Variants in RAD18 observed in about 807,000 individuals in gnomAD.
The protein encoded by RAD18 is RAD18 E3 ubiquitin protein ligase, also known as E3 ubiquitin-protein ligase RAD18.
RAD18 carries 47 observed loss-of-function variants against 60.4 expected under a neutral mutation model. The ratio of observed to expected loss-of-function variants is 0.78; its 90% CI spans 0.62 to 0.99. The LOEUF is 0.99. RAD18 is among the 50% of genes least tolerant of loss of function. The pLI, the probability that RAD18 is intolerant of heterozygous loss-of-function variation, is 0.00. For missense variants in RAD18, 640 were observed against 593.3 expected, an observed-to-expected ratio of 1.08 and a Z score of -0.82; for synonymous variants, 225 against 195.5, an observed-to-expected ratio of 1.15 and a Z score of -1.26.
At chr3:8,939,123 AT>A (rs887380911) in intron 6 of RAD18, among the ~76,000 whole-genome samples, 8 of 152,124 alleles carry the variant, frequency 5.3e-5, no homozygotes, top group Admixed American at 2.6e-4. Flanking sequence ...CCTAGTCAAA[AT>A]TTTTTGAAAA....
rs553669251 is a variant in RAD18, at chr3:8,904,695, T to C, written c.1028-2175A>G. Among the ~76,000 whole-genome samples the C allele has an allele frequency of 2.6e-5, 4 of 152,318 alleles. No individual in the cohort carries two copies. In the East Asian group the frequency reaches 7.7e-4, roughly 29 times the overall value. On this transcript the variant is annotated intron_variant, in intron 9 of 12. Coordinates refer to ENST00000264926, the MANE Select transcript of RAD18 (RefSeq NM_020165.4). ...TATTTCTCTGGCTGCTTAGAATCAA[T>C]GGGCTAACACTACCATCATCATTAT...
At position 8,882,291 on chromosome 3, in the gene RAD18, G is replaced by A. The variant is rs182765309; in HGVS notation, c.1386-832C>T. Among the ~76,000 whole-genome samples the A allele has an allele frequency of 2.1e-3, 320 of 152,324 alleles. 1 individual carries two copies. The highest frequency in any genetic ancestry group is 7.4e-3 in the African/African-American group (308 of 41,580). ...GAGGTGAAATCAGTCTGCCTCAAGG[G>A]GAGGCATATGACCTCATTTGCAGGA... On this transcript the variant is annotated intron_variant, in intron 12 of 12. Transcript: ENST00000264926.
At position 8,887,380 on chromosome 3, in the gene RAD18, G is replaced by T. The variant is rs45554937; in HGVS notation, c.1385+3009C>A. 4.4e-3 allele frequency among the ~76,000 whole-genome samples: 664 copies of T among 152,270 alleles called. 7 individuals carry two copies. Among genetic ancestry groups the T allele is most frequent in the African/African-American group, 0.015 (644 of 41,560 alleles). On this transcript the variant is annotated intron_variant, in intron 12 of 12. Transcript: ENST00000264926. ...ATGATCCTACCATTCACTGAGAAGAGGGGACACTGGAGGAGACGCAGATCT... is the reference window on the plus strand; with the variant it reads ...ATGATCCTACCATTCACTGAGAAGATGGGACACTGGAGGAGACGCAGATCT...
chr3:8,901,074 T>C (rs576913154), intron 10 of RAD18, among the ~76,000 whole-genome samples: 2 of 152,352 alleles, frequency 1.3e-5, no homozygotes, highest in East Asian at 3.9e-4. Flanking sequence ...CAGCACTTTA[T>C]GCACAAATTG....
rs780426852 is a variant in RAD18 at position 8,941,511 on chromosome 3, C to T, written c.560G>A (p.Arg187His). ...EIAPDPSEAK[R>H]PEPPSTSTLK... ...AGTGGATGTCGAGGGTGGCTCAGGA[C>T]GCTTAGCCTCTGAGGGATCTGGAGC... The change falls in exon 5 of 13, where the codon CGT becomes CAT. Residue 187 changes from arginine (R) to histidine (H), a missense_variant. Transcript: ENST00000264926. The T allele has an allele frequency of 1.1e-5, 17 of 1,613,832 alleles. No homozygotes were observed. The highest frequency in any genetic ancestry group is 5.0e-5 in the Admixed American group (3 of 59,976).
intron 7 of RAD18, among the ~76,000 whole-genome samples, chr3:8,928,902 C>T (rs73810720): frequency 0.023 from 3,565 of 152,184 alleles, 134 homozygotes; most frequent in African/African-American, 0.08. Flanking sequence ...AGAACAGGTT[C>T]TTTGGCCAAC....
intron 2 of RAD18, among the ~76,000 whole-genome samples, chr3:8,951,305 G>C (rs1446121691): frequency 6.6e-6 from 1 of 152,174 alleles, no homozygotes; most frequent in Admixed American, 6.5e-5. Context: ...AATGACACCT[G>C]ACTTCTCACA....
chr3:8,907,309 T>TA (rs35006452), intron 9 of RAD18, among the ~76,000 whole-genome samples: 14,911 of 152,192 alleles, frequency 0.098, 2,378 homozygotes, highest in African/African-American at 0.33. Flanking sequence ...GGTAGGAGAA[T>TA]AAATGAAGTT....
chr3:8,931,642 A>C (rs934953750), intron 7 of RAD18: 7 of 152,238 alleles, frequency 4.6e-5, no homozygotes, highest in Non-Finnish European at 1.0e-4. Flanking sequence ...TCTTAGGGGA[A>C]CAACAACAAC....
At chr3:8,883,541 T>A (rs1473294830) in intron 12 of RAD18, among the ~76,000 whole-genome samples, 2 of 152,212 alleles carry the variant, frequency 1.3e-5, no homozygotes, top group Non-Finnish European at 1.5e-5. Context: ...CAGTCTTTGC[T>A]GGTGGGTTCT....
intron 7 of RAD18, among the ~76,000 whole-genome samples, chr3:8,925,843 A>C (rs541106634): frequency 1.8e-4 from 28 of 152,236 alleles, no homozygotes; most frequent in Admixed American, 3.9e-4. Flanking sequence ...CAGAAAAGGC[A>C]TTTGACAAAA....
chr3:8,928,593 T>C (rs1015086850), intron 7 of RAD18, among the ~76,000 whole-genome samples: 4 of 152,138 alleles, frequency 2.6e-5, no homozygotes, highest in Admixed American at 2.6e-4. Context: ...AGAAGATACA[T>C]AATAATACTA....
At chr3:8,898,200 C>T (rs763256016) in intron 11 of RAD18, among the ~76,000 whole-genome samples, 9 of 152,026 alleles carry the variant, frequency 5.9e-5, no homozygotes, top group Admixed American at 2.0e-4. Flanking sequence ...TAAATTATAG[C>T]GCAGAGACAT....
chr3:8,899,861 G>A (rs1939870848), intron 10 of RAD18, among the ~76,000 whole-genome samples: 1 of 152,152 alleles, frequency 6.6e-6, no homozygotes, highest in African/African-American at 2.4e-5. Context: ...AGCTACATGT[G>A]CTAATAATAC....
At chr3:8,945,633 A>G (rs558972100) in intron 4 of RAD18, among the ~76,000 whole-genome samples, 11 of 151,634 alleles carry the variant, frequency 7.3e-5, no homozygotes, top group Admixed American at 3.3e-4. Context: ...CACCATGCCC[A>G]GCTAATTTTT....
chr3:8,925,307 C>T (rs906890261), intron 7 of RAD18, among the ~76,000 whole-genome samples: 6 of 152,116 alleles, frequency 3.9e-5, no homozygotes, highest in Admixed American at 1.3e-4. Context: ...ACTAGAAAAT[C>T]TAGAAGAAAT....
At chr3:8,941,414 G>T in intron 5 of RAD18, 53 bp downstream of exon 5, 1 of 1,417,746 alleles carries the variant, frequency 7.1e-7, no homozygotes, top group Non-Finnish European at 9.6e-7. Flanking sequence ...TTATTCTTAT[G>T]TCATGTGGAT....
intron 9 of RAD18, among the ~76,000 whole-genome samples, chr3:8,904,110 G>A (rs1393311243): frequency 6.6e-6 from 1 of 152,130 alleles, no homozygotes; most frequent in Non-Finnish European, 1.5e-5. Flanking sequence ...CTCCAATGTG[G>A]AAGAAGCCAG....
rs948846825 is a variant in RAD18 at position 8,925,510 on chromosome 3, G to A, written c.889+10361C>T. ...AGGAGGAGCTGGTACCATTCCTTCT[G>A]AAACTATTCCAATCAATAGAAAAAA... is the stretch of plus-strand genomic sequence containing the variant. On this transcript the variant is annotated intron_variant, in intron 7 of 12. Coordinates refer to ENST00000264926, the MANE Select transcript of RAD18 (RefSeq NM_020165.4). Among the ~76,000 whole-genome samples the A allele has an allele frequency of 1.4e-4, 21 of 152,234 alleles. 1 individual carries two copies. The highest frequency in any genetic ancestry group is 1.3e-3 in the Admixed American group (20 of 15,306).
Sources: gnomAD v4.1 joint callset for allele counts (sites outside exome capture counted in the v4.1 genomes callset) on GRCh38, gnomAD v4.1.1 for gene constraint, MANE v1.5 for transcripts, NCBI Gene and HGNC (gene_info 2026-07-23, HGNC 2026-07-21) for gene names.